The following RFX3 variants were observed in gnomAD, a reference collection of about 807,000 sequenced individuals.
The protein encoded by RFX3 is regulatory factor X3, also known as transcription factor RFX3.
Under a neutral mutation model 98.6 loss-of-function variants are expected in RFX3, and 14 were observed. That is an observed-to-expected ratio of 0.14 (90% confidence interval 0.09 to 0.22). RFX3 has a LOEUF of 0.22. RFX3 is among the 10% of genes least tolerant of loss of function. RFX3 has a pLI of 1.00. For synonymous variants in RFX3, 383 were observed against 328.4 expected (o/e 1.17, Z -1.80); for missense variants, 639 against 926.9 (o/e 0.69, Z 4.03).
At chr9:3,347,014 C>T (rs534833841) in intron 2 of RFX3, among the ~76,000 whole-genome samples, 1 of 152,072 alleles carries the variant, frequency 6.6e-6, no homozygotes, top group East Asian at 1.9e-4. Flanking sequence ...TTCAACTGTT[C>T]AGGTTTAAAA....
At chr9:3,368,005 C>T (rs538147608) in intron 2 of RFX3, among the ~76,000 whole-genome samples, 29 of 152,280 alleles carry the variant, frequency 1.9e-4, no homozygotes, top group Admixed American at 1.4e-3. Flanking sequence ...TAGCTACATA[C>T]ATGCAGTGAC....
chr9:3,511,305 C>T (rs1817643370), intron 1 of RFX3, among the ~76,000 whole-genome samples: 1 of 151,834 alleles, frequency 6.6e-6, no homozygotes, highest in Admixed American at 6.6e-5. Flanking sequence ...CTAGTCTGCT[C>T]ATTATAGAAT....
At chr9:3,319,384 T>C (rs1831000442) in intron 4 of RFX3, among the ~76,000 whole-genome samples, 1 of 152,112 alleles carries the variant, frequency 6.6e-6, no homozygotes. Context: ...AGAGTCAGAC[T>C]GCAATGACTA....
intron 4 of RFX3, among the ~76,000 whole-genome samples, chr9:3,323,095 G>C (rs1587061719): frequency 6.6e-6 from 1 of 152,162 alleles, no homozygotes; most frequent in East Asian, 1.9e-4. Context: ...GCCATAATTA[G>C]AGTTTAAAGG....
chr9:3,248,598 T>C (rs1382534037), intron 14 of RFX3, among the ~76,000 whole-genome samples: 2 of 152,230 alleles, frequency 1.3e-5, no homozygotes, highest in African/African-American at 2.4e-5. Context: ...GTGATAACGA[T>C]CTCTGGGGTA....
intron 15 of RFX3, among the ~76,000 whole-genome samples, chr9:3,236,439 G>T (rs528660100): frequency 1.3e-3 from 199 of 152,292 alleles, no homozygotes; most frequent in Non-Finnish European, 2.5e-3. Context: ...AAAAGAATAT[G>T]TTAAAGTACA....
chr9:3,420,909 C>G, intron 1 of RFX3: 1 of 984,542 alleles, frequency 1.0e-6, no homozygotes, highest in Non-Finnish European at 1.2e-6. Context: ...AATCTGAAAC[C>G]AGCAAATATG....
intron 7 of RFX3, among the ~76,000 whole-genome samples, chr9:3,281,372 C>T (rs1825893404): frequency 6.7e-6 from 1 of 149,860 alleles, no homozygotes; most frequent in East Asian, 1.9e-4. Flanking sequence ...AAAAAAAAGT[C>T]AAACAAAAAC....
intron 1 of RFX3, among the ~76,000 whole-genome samples, chr9:3,505,226 A>G (rs1330106047): frequency 1.4e-5 from 1 of 71,366 alleles, no homozygotes; most frequent in Non-Finnish European, 2.0e-5. Context: ...ATATATTTAT[A>G]TATGAATATA....
rs74336190 is a variant in RFX3 at position 3,452,994 on chromosome 9, T to C, written c.-8-57398A>G. On this transcript the variant is annotated intron_variant, in intron 1 of 16. Coordinates refer to ENST00000617270, the MANE Select transcript of RFX3 (RefSeq NM_001282116.2). ...ATCAAAAGCAACTTAGGATGGAACA[T>C]AGCCCTCTCTATTTACTAGTTATTT... is the stretch of plus-strand genomic sequence containing the variant. 6.4e-3 allele frequency among the ~76,000 whole-genome samples: 976 copies of C among 152,304 alleles called. 12 individuals are homozygous for C. Among genetic ancestry groups the C allele is most frequent in the African/African-American group, 0.022 (925 of 41,576 alleles).
intron 7 of RFX3, among the ~76,000 whole-genome samples, chr9:3,287,581 A>T (rs1826791800): frequency 6.6e-6 from 1 of 151,944 alleles, no homozygotes; most frequent in Non-Finnish European, 1.5e-5. Flanking sequence ...CAAATCTAAG[A>T]TCTATGATTC....
intron 10 of RFX3, 24 bp from the exon 11 acceptor site, chr9:3,270,549 T>C: frequency 6.3e-7 from 1 of 1,599,372 alleles, no homozygotes. Flanking sequence ...ATGTAGCAAA[T>C]GAATAGATGG....
rs550589239 is a variant in RFX3, at chr9:3,372,033, C to T, written c.117+23439G>A. Among the ~76,000 whole-genome samples the T allele has an allele frequency of 5.9e-5, 9 of 152,294 alleles. No homozygotes were observed. In the South Asian group the frequency reaches 1.9e-3, roughly 32 times the overall value. On this transcript the variant is annotated intron_variant, in intron 2 of 16. Coordinates refer to ENST00000617270, the MANE Select transcript of RFX3 (RefSeq NM_001282116.2). Reference sequence around the variant, plus strand: ...TCTAATACCTAAGTGGTAAATATTACATGCCCCAAATCTGTATACATTCAC... The same window carrying T: ...TCTAATACCTAAGTGGTAAATATTATATGCCCCAAATCTGTATACATTCAC...
intron 3 of RFX3, among the ~76,000 whole-genome samples, chr9:3,332,525 T>C (rs530459940): frequency 3.0e-4 from 46 of 152,304 alleles, no homozygotes; most frequent in African/African-American, 1.0e-3. Context: ...CTAATGGATT[T>C]TCCCTTCTCT....
rs1030898801 is a variant in RFX3 at position 3,223,163 on chromosome 9, T to C, written c.*1879A>G. On this transcript the variant is annotated 3_prime_UTR_variant, in exon 17 of 17. Transcript: ENST00000617270. The stretch of plus-strand genomic sequence containing the variant: ...CTGTCAATCATTTTGTGCTTTCCTT[T>C]TTTTTGGCTTTATTATCTATTTATT... 6.6e-6 allele frequency: 1 copy of C among 152,200 alleles called. No individual in the cohort carries two copies. The highest frequency in any genetic ancestry group is 2.4e-5 in the African/African-American group (1 of 41,456). The allele number at this position is 152,200 out of a possible 1,614,324, so 9.4% of individuals were successfully genotyped here. A position where few individuals can be genotyped will look rare whatever the true frequency, so the allele number is the denominator to read the frequency against.
intron 1 of RFX3, among the ~76,000 whole-genome samples, chr9:3,411,278 T>A (rs893446605): frequency 5.3e-5 from 8 of 152,202 alleles, no homozygotes; most frequent in African/African-American, 1.4e-4. Flanking sequence ...TTTTTTTAAA[T>A]GTAGGAGAGC....
chr9:3,493,698 AAAATATAT>A (rs1404800792), intron 1 of RFX3, among the ~76,000 whole-genome samples: 10 of 111,252 alleles, frequency 9.0e-5, no homozygotes, highest in African/African-American at 4.1e-4. Flanking sequence ...AAAAAAAAAA[AAAATATAT>A]ATATATATAT....
intron 3 of RFX3, among the ~76,000 whole-genome samples, chr9:3,331,887 C>A (rs1054582541): frequency 6.6e-6 from 1 of 152,138 alleles, no homozygotes; most frequent in African/African-American, 2.4e-5. Context: ...GGGTTTCTAA[C>A]AGCCAAGTGG....
chr9:3,350,938 G>A (rs1056525382), intron 2 of RFX3, among the ~76,000 whole-genome samples: 7 of 152,012 alleles, frequency 4.6e-5, no homozygotes, highest in African/African-American at 1.7e-4. Flanking sequence ...AGCCACTGGG[G>A]GAAAGGAGAG....
Sources: gnomAD v4.1 joint callset for allele counts (sites outside exome capture counted in the v4.1 genomes callset) on GRCh38, gnomAD v4.1.1 for gene constraint, MANE v1.5 for transcripts, NCBI Gene and HGNC (gene_info 2026-07-23, HGNC 2026-07-21) for gene names.